The following CYP39A1 variants were observed in gnomAD, a reference collection of about 807,000 sequenced individuals.
CYP39A1 encodes the protein 24-hydroxycholesterol 7-alpha-hydroxylase.
A neutral mutation model predicts 58.1 loss-of-function variants in CYP39A1; 49 were observed. The observed-to-expected ratio is 0.84, with a 90% CI of 0.67 to 1.07. CYP39A1 has a LOEUF of 1.07. Ranked by LOEUF, CYP39A1 falls within the 50% of genes least tolerant of loss-of-function variation. The pLI is 0.00. For missense variants in CYP39A1, 531 were observed against 539.4 expected (o/e 0.98, Z 0.16); for synonymous variants, 209 against 187.6 (o/e 1.11, Z -0.93).
chr6:46,614,752 A>G (rs982884258), intron 7 of CYP39A1, among the ~76,000 whole-genome samples: 2 of 152,170 alleles, frequency 1.3e-5, no homozygotes, highest in Non-Finnish European at 2.9e-5. Context: ...AAATAATAAT[A>G]ATTTATTAAA....
At chr6:46,633,492 A>G (rs2150583567) in intron 5 of CYP39A1, among the ~76,000 whole-genome samples, 1 of 152,304 alleles carries the variant, frequency 6.6e-6, no homozygotes, top group South Asian at 2.1e-4. Flanking sequence ...ACTGAAATCT[A>G]TTTATGCAGT....
intron 7 of CYP39A1, among the ~76,000 whole-genome samples, chr6:46,614,527 ATAGATGTG>A (rs1774415642): frequency 6.6e-6 from 1 of 152,162 alleles, no homozygotes; most frequent in Admixed American, 6.5e-5. Flanking sequence ...TAAAATCTGG[ATAGATGTG>A]TCTTTTCTTC....
chr6:46,591,276 T>C (rs1263210433), intron 8 of CYP39A1, among the ~76,000 whole-genome samples: 1 of 152,110 alleles, frequency 6.6e-6, no homozygotes, highest in East Asian at 1.9e-4. Flanking sequence ...CTGATTAACC[T>C]ATGTGACACT....
At chr6:46,589,384 T>C (rs547903920) in intron 8 of CYP39A1, among the ~76,000 whole-genome samples, 2 of 152,072 alleles carry the variant, frequency 1.3e-5, no homozygotes, top group African/African-American at 4.8e-5. Context: ...GCCCAGGAGG[T>C]TGAGGGTACA....
chr6:46,553,700 G>T (rs1582279153), intron 11 of CYP39A1, 67 bp downstream of exon 11: 1 of 1,031,482 alleles, frequency 9.7e-7, no homozygotes, highest in East Asian at 2.5e-5. Flanking sequence ...TCAAAATTGG[G>T]GGAAGTGGGG....
intron 10 of CYP39A1, among the ~76,000 whole-genome samples, chr6:46,556,862 C>G (rs146737532): frequency 6.6e-6 from 1 of 151,710 alleles, no homozygotes; most frequent in Non-Finnish European, 1.5e-5. Flanking sequence ...TTAGAAAAAA[C>G]AAAACAGAAA....
At chr6:46,566,659 G>A (rs141317165) in intron 10 of CYP39A1, among the ~76,000 whole-genome samples, 54 of 152,110 alleles carry the variant, frequency 3.6e-4, no homozygotes, top group Non-Finnish European at 6.2e-4. Context: ...AACTATATCA[G>A]CTTCTTATTA....
chr6:46,608,490 G>C (rs1156581657), intron 7 of CYP39A1, among the ~76,000 whole-genome samples: 2 of 151,930 alleles, frequency 1.3e-5, no homozygotes, highest in Non-Finnish European at 2.9e-5. Flanking sequence ...TTCAATAAAA[G>C]TAATGTTCAG....
At position 46,636,468 on chromosome 6, in the gene CYP39A1, G is replaced by T; in HGVS notation, c.653C>A (p.Ser218Tyr). ...PECLLRNWSK[S>Y]KKWFLELFEK... The stretch of plus-strand genomic sequence containing the variant: ...AAACAGTTCCAGGAACCACTTTTTG[G>T]ATTTTGACCAGTTTCTACATGAGAA... The change falls in exon 5 of 12, where the codon TCC becomes TAC. Residue 218 changes from serine (S) to tyrosine (Y), a missense_variant. By Grantham distance (144) the Ser-to-Tyr change is moderately radical (BLOSUM62 -2). Coordinates refer to ENST00000275016, the MANE Select transcript of CYP39A1 (RefSeq NM_016593.5). The T allele has an allele frequency of 6.2e-7, 1 of 1,605,684 alleles. No individual in the cohort carries two copies. Among genetic ancestry groups the T allele is most frequent in the South Asian group, 1.1e-5 (1 of 88,476 alleles).
intron 1 of CYP39A1, 56 bp from the exon 2 acceptor site, chr6:46,642,354 A>G: frequency 1.3e-6 from 2 of 1,509,402 alleles, no homozygotes; most frequent in South Asian, 2.5e-5. Context: ...CATGTTTAAG[A>G]CCATTCTCCT....
intron 3 of CYP39A1, among the ~76,000 whole-genome samples, chr6:46,639,117 T>C (rs1180485301): frequency 6.6e-6 from 1 of 152,176 alleles, no homozygotes. Context: ...ATTCTAATAA[T>C]AGCAAATTGC....
chr6:46,583,087 A>C (rs1772239736), intron 10 of CYP39A1: 1 of 985,218 alleles, frequency 1.0e-6, no homozygotes, highest in Non-Finnish European at 1.2e-6. Flanking sequence ...TACATGAAAG[A>C]CCCAAACATA....
intron 8 of CYP39A1, among the ~76,000 whole-genome samples, chr6:46,591,409 G>T (rs1182471776): frequency 6.6e-6 from 1 of 151,914 alleles, no homozygotes; most frequent in East Asian, 1.9e-4. Flanking sequence ...ATTAAATTTT[G>T]CTATGGTACA....
In CYP39A1 at chr6:46,550,454, A is replaced by G; in HGVS notation, c.1339-17T>C. The stretch of plus-strand genomic sequence containing the variant: ...GAGATAACTCTAAAAACAGAAATGC[A>G]GAAGAAATAGAAATTAAGAGACATA... On this transcript the variant is annotated splice_polypyrimidine_tract_variant and intron_variant, in intron 11 of 11. Coordinates refer to ENST00000275016, the MANE Select transcript of CYP39A1 (RefSeq NM_016593.5). 2 of 1,602,818 alleles carry G rather than the reference A, an allele frequency of 1.2e-6. No individual in the cohort carries two copies. Among genetic ancestry groups the G allele is most frequent in the Non-Finnish European group, 1.7e-6 (2 of 1,172,532 alleles).
chr6:46,635,485 T>G (rs542818176), intron 5 of CYP39A1, among the ~76,000 whole-genome samples: 81 of 152,332 alleles, frequency 5.3e-4, no homozygotes, highest in Middle Eastern at 3.4e-3. Flanking sequence ...GAACCATTCA[T>G]TAGCAAGCAT....
chr6:46,583,516 T>G, intron 10 of CYP39A1: 3 of 985,394 alleles, frequency 3.0e-6, no homozygotes, highest in Non-Finnish European at 2.4e-6. Context: ...ATGAGACTCT[T>G]CACTTTGCAA....
intron 10 of CYP39A1, chr6:46,586,492 T>C: frequency 2.9e-5 from 29 of 984,342 alleles, no homozygotes; most frequent in Non-Finnish European, 3.5e-5. Flanking sequence ...AAAAACCTTT[T>C]CTGCTTGAAC....
intron 10 of CYP39A1, among the ~76,000 whole-genome samples, chr6:46,556,125 A>G (rs1418719272): frequency 6.6e-6 from 1 of 152,232 alleles, no homozygotes; most frequent in Non-Finnish European, 1.5e-5. Context: ...ATAAAGTAAC[A>G]AAAGTTGGTG....
intron 1 of CYP39A1, among the ~76,000 whole-genome samples, chr6:46,651,672 T>C (rs1400038729): frequency 1.3e-5 from 2 of 152,198 alleles, no homozygotes. Context: ...AAATTCATTC[T>C]ACAAATTGGG....
Sources: gnomAD v4.1 joint callset for allele counts (sites outside exome capture counted in the v4.1 genomes callset) on GRCh38, gnomAD v4.1.1 for gene constraint, MANE v1.5 for transcripts, NCBI Gene and HGNC (gene_info 2026-07-23, HGNC 2026-07-21) for gene names.